CERS3: variants seen among roughly 807,000 people sequenced by gnomAD.
The protein encoded by CERS3 is LAG1 homolog, ceramide synthase 3.
Under a neutral mutation model 50.3 loss-of-function variants are expected in CERS3, and 33 were observed. The ratio of observed to expected loss-of-function variants is 0.66; its 90% CI spans 0.50 to 0.88. CERS3 has a LOEUF of 0.88. Ranked by LOEUF, CERS3 falls within the 40% of genes least tolerant of loss-of-function variation. The pLI is 0.00. For synonymous variants in CERS3, 176 were observed against 155.2 expected (o/e 1.13, Z -0.99); for missense variants, 470 against 460.3 (o/e 1.02, Z -0.19).
chr15:100,523,700 CAAAAAAAA>C (rs34875423), intron 1 of CERS3, among the ~76,000 whole-genome samples: 24 of 51,508 alleles, frequency 4.7e-4, no homozygotes, highest in Non-Finnish European at 8.1e-4. Context: ...GACTCCATCT[CAAAAAAAA>C]AAAAAAAAAA....
At chr15:100,488,996 C>T (rs2035570557) in intron 4 of CERS3, among the ~76,000 whole-genome samples, 1 of 152,056 alleles carries the variant, frequency 6.6e-6, no homozygotes, top group African/African-American at 2.4e-5. Context: ...AGGATGGTCT[C>T]GATCTCCAGA....
chr15:100,466,867 C>CTCTCTTTA (rs2034760554), intron 10 of CERS3, among the ~76,000 whole-genome samples: 1 of 146,242 alleles, frequency 6.8e-6, no homozygotes, highest in Non-Finnish European at 1.5e-5. Context: ...TTCTTTCTTT[C>CTCTCTTTA]TTTCTTGATG....
chr15:100,466,840 C>CT lies in CERS3; in HGVS notation c.845+2537_845+2538insA, dbSNP rs1555528083. The stretch of plus-strand genomic sequence containing the variant: ...CCCTCTCTCCCTCTCTCCCTCTCTC[C>CT]CTCTCTCTTTCTCTCTTTCTTTCTT... On this transcript the variant is annotated intron_variant, in intron 10 of 11. Coordinates refer to ENST00000679737, the MANE Select transcript of CERS3 (RefSeq NM_001378789.1). Among the ~76,000 whole-genome samples the CT allele has an allele frequency of 2.1e-4, 6 of 28,260 alleles. 1 individual carries two copies. Among genetic ancestry groups the CT allele is most frequent in the African/African-American group, 4.4e-4 (4 of 9,106 alleles). The allele number at this position is 28,260 out of a possible 152,430, so 18.5% of individuals were successfully genotyped here.
chr15:100,448,130 A>G (rs1262817612), intron 11 of CERS3, among the ~76,000 whole-genome samples: 1 of 152,210 alleles, frequency 6.6e-6, no homozygotes, highest in African/African-American at 2.4e-5. Context: ...TTCAATTATC[A>G]TCATAAAGGT....
intron 11 of CERS3, chr15:100,426,202 T>C (rs965303357): frequency 6.6e-6 from 1 of 152,016 alleles, no homozygotes; most frequent in African/African-American, 2.4e-5. Flanking sequence ...TGTTGCATAA[T>C]AAAAAAATTA....
At chr15:100,435,692 T>C (rs559120354) in intron 11 of CERS3, among the ~76,000 whole-genome samples, 1 of 152,272 alleles carries the variant, frequency 6.6e-6, no homozygotes, top group South Asian at 2.1e-4. Flanking sequence ...AGGCCACCTA[T>C]AGAATGGGAG....
chr15:100,531,450 G>A (rs922802510), upstream of CERS3, among the ~76,000 whole-genome samples: 2 of 152,142 alleles, frequency 1.3e-5, no homozygotes, highest in African/African-American at 2.4e-5. Context: ...GTTTGCTGGT[G>A]AAGACTTTGT....
intron 9 of CERS3, among the ~76,000 whole-genome samples, chr15:100,472,187 T>A (rs1371799592): frequency 6.6e-6 from 1 of 152,206 alleles, no homozygotes; most frequent in African/African-American, 2.4e-5. Flanking sequence ...TCATTATAAA[T>A]GAGTATATTT....
intron 11 of CERS3, among the ~76,000 whole-genome samples, chr15:100,405,451 A>G (rs1899489): frequency 0.94 from 143,074 of 152,180 alleles, 67,944 homozygotes; most frequent in East Asian, 1. Context: ...AATACCAAGC[A>G]CTGACAAGGA....
intron 11 of CERS3, among the ~76,000 whole-genome samples, chr15:100,428,108 T>C (rs2032929911): frequency 1.3e-5 from 2 of 152,224 alleles, no homozygotes; most frequent in South Asian, 4.1e-4. Flanking sequence ...GGATTACAAC[T>C]GACAAATTTG....
intron 11 of CERS3, among the ~76,000 whole-genome samples, chr15:100,450,020 G>A (rs772940118): frequency 1.1e-4 from 17 of 152,270 alleles, no homozygotes; most frequent in Non-Finnish European, 1.8e-4. Flanking sequence ...ATGTGAATGA[G>A]AGGTTTACCA....
At chr15:100,509,159 G>T (rs996593793) in intron 2 of CERS3, among the ~76,000 whole-genome samples, 1 of 152,114 alleles carries the variant, frequency 6.6e-6, no homozygotes, top group Non-Finnish European at 1.5e-5. Context: ...TTCTAACCTC[G>T]TGGGTATAGA....
chr15:100,482,610 T>A (rs952176585), intron 5 of CERS3, among the ~76,000 whole-genome samples: 5 of 136,388 alleles, frequency 3.7e-5, no homozygotes, highest in African/African-American at 1.3e-4. Flanking sequence ...TTTTTTTTTT[T>A]TAAAAAAAAG....
At chr15:100,497,688 T>TAAGTA (rs2035862318) in intron 3 of CERS3, among the ~76,000 whole-genome samples, 1 of 152,014 alleles carries the variant, frequency 6.6e-6, no homozygotes, top group South Asian at 2.1e-4. Flanking sequence ...AGCATATGGG[T>TAAGTA]AAGTATACAC....
intron 11 of CERS3, among the ~76,000 whole-genome samples, chr15:100,405,248 A>C (rs1262576002): frequency 4.7e-5 from 2 of 42,140 alleles, no homozygotes; most frequent in Admixed American, 2.4e-4. Context: ...AAAAAAAAAA[A>C]CAAAAAAAAA....
chr15:100,441,186 C>A (rs182050050), intron 11 of CERS3, among the ~76,000 whole-genome samples: 1 of 152,012 alleles, frequency 6.6e-6, no homozygotes, highest in Non-Finnish European at 1.5e-5. Flanking sequence ...TGCACCCCGA[C>A]CTCTTATCTC....
At chr15:100,437,791 G>A (rs947787869) in intron 11 of CERS3, 2 of 152,068 alleles carry the variant, frequency 1.3e-5, no homozygotes, top group Non-Finnish European at 2.9e-5. Flanking sequence ...AAGAAACCGA[G>A]GCAATGAACA....
intron 10 of CERS3, among the ~76,000 whole-genome samples, chr15:100,457,071 A>AT (rs553555161): frequency 6.6e-6 from 1 of 152,142 alleles, no homozygotes; most frequent in Non-Finnish European, 1.5e-5. Context: ...TATAGAAATA[A>AT]TTTTTTTCAT....
chr15:100,516,505 G>A (rs76834698), intron 2 of CERS3, among the ~76,000 whole-genome samples: 2,041 of 152,296 alleles, frequency 0.013, 53 homozygotes, highest in African/African-American at 0.047. Flanking sequence ...CTTGAACACT[G>A]TAATGTGCTG....
Sources: gnomAD v4.1 joint callset for allele counts (sites outside exome capture counted in the v4.1 genomes callset) on GRCh38, gnomAD v4.1.1 for gene constraint, MANE v1.5 for transcripts, NCBI Gene and HGNC (gene_info 2026-07-23, HGNC 2026-07-21) for gene names.